Variants in CEP70 observed in about 807,000 individuals in gnomAD.
CEP70 encodes the protein centrosomal protein 70.
Under a neutral mutation model 90.9 loss-of-function variants are expected in CEP70, and 70 were observed. That is an observed-to-expected ratio of 0.77 (90% CI 0.64 to 0.94). The LOEUF (loss-of-function observed/expected upper bound fraction) is 0.94, where lower values mean the gene tolerates loss of function less well. CEP70 is among the 40% of genes least tolerant of loss of function. The probability of loss-of-function intolerance (pLI) is 0.00; values close to 1 mark genes in which losing one functional copy is unlikely to be tolerated. For missense variants in CEP70, 648 were observed against 669.0 expected (o/e 0.97, Z 0.35); for synonymous variants, 220 against 228.3 (o/e 0.96, Z 0.33).
At chr3:138,519,790 C>T (rs1413372380) in intron 11 of CEP70, among the ~76,000 whole-genome samples, 3 of 152,120 alleles carry the variant, frequency 2.0e-5, no homozygotes, top group Non-Finnish European at 2.9e-5. Flanking sequence ...AGCAAAATAA[C>T]CAGCTAACAT....
intron 6 of CEP70, among the ~76,000 whole-genome samples, chr3:138,538,502 C>G (rs964182655): frequency 2.0e-5 from 3 of 152,172 alleles, no homozygotes; most frequent in Admixed American, 6.5e-5. Context: ...GGAAATTCAA[C>G]AGGTGAATTG....
At chr3:138,507,869 A>G (rs2035132291) in intron 12 of CEP70, among the ~76,000 whole-genome samples, 1 of 152,176 alleles carries the variant, frequency 6.6e-6, no homozygotes. Flanking sequence ...AAATATCTTA[A>G]TTTTTAAAAA....
Position 138,535,929 on chromosome 3 carries a change from ATG to A in CEP70, c.635+1247_635+1248del, listed in dbSNP as rs577939639. Among the ~76,000 whole-genome samples the A allele has an allele frequency of 1.8e-4, 27 of 150,994 alleles. No homozygotes were observed. The South Asian group carries it at 4.0e-3, about 22-fold the overall frequency. On this transcript the variant is annotated intron_variant, in intron 7 of 17. Transcript: ENST00000264982. ...CTCACTAACATTTTTATGTTTTTTT[ATG>A]TGTTTGTCGTTACTTTTCCTTCAAG...
intron 10 of CEP70, among the ~76,000 whole-genome samples, chr3:138,526,610 TAG>T (rs1377029698): frequency 6.6e-6 from 1 of 152,220 alleles, no homozygotes; most frequent in Non-Finnish European, 1.5e-5. Flanking sequence ...ACTGTCAACA[TAG>T]AGAGTGTCAT....
In CEP70 at chr3:138,509,013, G is replaced by A. The variant is rs187240674; in HGVS notation, c.945-469C>T. Reference sequence around the variant, plus strand: ...CTCCCAAAGTGTTGGGATTACAGGCGTGAGCCACCGTGCCCGGCCAGAGTT... The same window carrying A: ...CTCCCAAAGTGTTGGGATTACAGGCATGAGCCACCGTGCCCGGCCAGAGTT... On this transcript the variant is annotated intron_variant, in intron 11 of 17. Transcript: ENST00000264982. Among the ~76,000 whole-genome samples, 77 of 152,246 alleles carry A rather than the reference G, an allele frequency of 5.1e-4. 2 individuals are homozygous for A. The East Asian group carries it at 0.012, about 24-fold the overall frequency.
intron 6 of CEP70, among the ~76,000 whole-genome samples, chr3:138,547,599 T>C (rs2039309902): frequency 6.6e-6 from 1 of 152,226 alleles, no homozygotes; most frequent in Admixed American, 6.5e-5. Context: ...TTAAAGGAAG[T>C]ACTTCACAGC....
intron 3 of CEP70, among the ~76,000 whole-genome samples, chr3:138,572,410 GAGCCAAA>G (rs2041239711): frequency 6.6e-6 from 1 of 152,008 alleles, no homozygotes; most frequent in Non-Finnish European, 1.5e-5. Context: ...GTTGTTTTAG[GAGCCAAA>G]AGCTCTGAGT....
chr3:138,544,110 A>G (rs149290440), intron 6 of CEP70, among the ~76,000 whole-genome samples: 818 of 152,260 alleles, frequency 5.4e-3, no homozygotes, highest in African/African-American at 0.019. Context: ...CCGACACAGT[A>G]AAATCCCCAT....
At chr3:138,495,191 G>C in intron 17 of CEP70, 115 bp from the exon 18 acceptor site, 2 of 598,176 alleles carry the variant, frequency 3.3e-6, no homozygotes, top group Non-Finnish European at 6.0e-6. Context: ...AATAATACTG[G>C]TGCTTTTGTG....
chr3:138,521,493 G>A (rs142893862), intron 11 of CEP70, among the ~76,000 whole-genome samples: 92 of 151,280 alleles, frequency 6.1e-4, no homozygotes, highest in African/African-American at 2.0e-3. Context: ...GTCTCTGCCT[G>A]GCTGCCCATT....
intron 6 of CEP70, among the ~76,000 whole-genome samples, chr3:138,562,407 T>C (rs2040475945): frequency 6.6e-6 from 1 of 151,916 alleles, no homozygotes; most frequent in Admixed American, 6.6e-5. Flanking sequence ...CACGTGATTG[T>C]CAGATTCACC....
intron 16 of CEP70, among the ~76,000 whole-genome samples, chr3:138,499,050 A>G (rs1413756290): frequency 6.6e-6 from 1 of 152,160 alleles, no homozygotes; most frequent in African/African-American, 2.4e-5. Flanking sequence ...TGTCTCAAAA[A>G]AAAAAGAAAA....
chr3:138,572,723 T>TAC (rs1364677792), intron 3 of CEP70, 136 bp downstream of exon 3: 26 of 690,474 alleles, frequency 3.8e-5, no homozygotes, highest in African/African-American at 7.2e-5. Context: ...ATTAAACCAT[T>TAC]TCATAGTCTT....
chr3:138,561,916 G>A lies in CEP70; in HGVS notation c.465+8402C>T, dbSNP rs1234378989. On this transcript the variant is annotated intron_variant, in intron 6 of 17. Transcript: ENST00000264982. ...GCAGGCACCTGTAGTCCCAGCTATT[G>A]GGAGGCTGAGGCAGGAGAATGGCGT... is the stretch of plus-strand genomic sequence containing the variant. Among the ~76,000 whole-genome samples, 5 of 151,730 alleles carry A rather than the reference G, an allele frequency of 3.3e-5. No homozygotes were observed. The East Asian group carries it at 9.8e-4, about 30-fold the overall frequency.
chr3:138,526,005 T>C (rs1036151754), intron 10 of CEP70, among the ~76,000 whole-genome samples: 2 of 152,186 alleles, frequency 1.3e-5, no homozygotes, highest in African/African-American at 2.4e-5. Context: ...CCTCAATTCA[T>C]TGTTCATTAT....
intron 2 of CEP70, among the ~76,000 whole-genome samples, chr3:138,588,559 T>C (rs2042222225): frequency 6.6e-6 from 1 of 152,238 alleles, no homozygotes. Flanking sequence ...CTACACATAT[T>C]AGAATGGCTA....
chr3:138,543,165 G>A (rs939333161), intron 6 of CEP70, among the ~76,000 whole-genome samples: 1 of 152,120 alleles, frequency 6.6e-6, no homozygotes, highest in Non-Finnish European at 1.5e-5. Flanking sequence ...TTTCACTGAG[G>A]ACCTGCCCCT....
chr3:138,495,992 G>C, intron 17 of CEP70: 4 of 985,304 alleles, frequency 4.1e-6, no homozygotes, highest in Non-Finnish European at 4.8e-6. Flanking sequence ...GGCTCTTTCT[G>C]AATTTGATTT....
Position 138,500,884 on chromosome 3 carries a change from T to G in CEP70, c.1222-3A>C. On this transcript the variant is annotated splice_region_variant and splice_polypyrimidine_tract_variant and intron_variant, in intron 13 of 17. Coordinates refer to ENST00000264982, the MANE Select transcript of CEP70 (RefSeq NM_024491.4). ...GTTTTCAAGGACTTATACAAATCCT[T>G]TATAACAAAAGAAACTATATGGTAT... 1.4e-6 allele frequency: 2 copies of G among 1,480,000 alleles called. No individual in the cohort carries two copies. The highest frequency in any genetic ancestry group is 1.5e-5 in the South Asian group (1 of 66,488). 91.7% of individuals were successfully genotyped at this position (1,480,000 alleles called of 1,614,324 possible). A position where few individuals can be genotyped will look rare whatever the true frequency, so the allele number is the denominator to read the frequency against.
Sources: allele counts gnomAD v4.1 joint callset (sites outside exome capture counted in the v4.1 genomes callset), GRCh38; gene constraint gnomAD v4.1.1; transcripts MANE v1.5; gene names NCBI Gene and HGNC (gene_info 2026-07-23, HGNC 2026-07-21).